RIC8B: variants seen among roughly 807,000 people sequenced by gnomAD.
RIC8B encodes RIC8 guanine nucleotide exchange factor B, also known as chaperone Ric-8B.
A neutral mutation model predicts 57.5 loss-of-function variants in RIC8B; 16 were observed. The ratio of observed to expected loss-of-function variants is 0.28; its 90% confidence interval spans 0.19 to 0.42. The LOEUF (loss-of-function observed/expected upper bound fraction) is 0.42. RIC8B is among the 10% of genes least tolerant of loss of function. The pLI is 1.00. For synonymous variants in RIC8B, 216 were observed against 250.8 expected (o/e 0.86, Z 1.31); for missense variants, 481 against 677.0 (o/e 0.71, Z 3.21).
At chr12:106,786,580 TC>T (rs2044039034) in intron 2 of RIC8B, among the ~76,000 whole-genome samples, 1 of 152,236 alleles carries the variant, frequency 6.6e-6, no homozygotes, top group Non-Finnish European at 1.5e-5. Context: ...TTTTACTCTT[TC>T]ACCAAGAAGT....
intron 2 of RIC8B, among the ~76,000 whole-genome samples, chr12:106,810,855 A>G (rs918753269): frequency 1.3e-5 from 2 of 152,232 alleles, no homozygotes; most frequent in African/African-American, 2.4e-5. Context: ...GCACTGCCCT[A>G]TGTGTTTGTA....
chr12:106,826,773 T>C (rs1415341867), intron 4 of RIC8B, among the ~76,000 whole-genome samples: 1 of 150,546 alleles, frequency 6.6e-6, no homozygotes, highest in Non-Finnish European at 1.5e-5. Context: ...AATTAATTAA[T>C]TTTAAAAGTA....
intron 4 of RIC8B, among the ~76,000 whole-genome samples, chr12:106,840,678 G>T (rs1370866493): frequency 1.3e-5 from 2 of 152,140 alleles, no homozygotes; most frequent in African/African-American, 4.8e-5. Flanking sequence ...AACTTTTCTT[G>T]AAAAGCCTAA....
intron 2 of RIC8B, among the ~76,000 whole-genome samples, chr12:106,810,126 A>G (rs1254975697): frequency 6.6e-6 from 1 of 150,702 alleles, no homozygotes; most frequent in Non-Finnish European, 1.5e-5. Context: ...TCTATTTTAT[A>G]ACATCCCTGT....
At chr12:106,823,590 ATTCCC>A (rs1025942736) in intron 3 of RIC8B, 2 of 352,100 alleles carry the variant, frequency 5.7e-6, no homozygotes, top group African/African-American at 4.3e-5. Flanking sequence ...AGGGAAGTGT[ATTCCC>A]TAGTTAATTT....
At chr12:106,797,379 C>G (rs961900337) in intron 2 of RIC8B, among the ~76,000 whole-genome samples, 18 of 152,218 alleles carry the variant, frequency 1.2e-4, no homozygotes, top group Admixed American at 4.6e-4. Flanking sequence ...TTATGTTACA[C>G]GAAAGATACC....
chr12:106,839,843 T>C (rs1358488640), intron 4 of RIC8B, among the ~76,000 whole-genome samples: 2 of 152,098 alleles, frequency 1.3e-5, no homozygotes, highest in Non-Finnish European at 2.9e-5. Flanking sequence ...TAGTGAGACC[T>C]TGTCTCTACT....
intron 6 of RIC8B, among the ~76,000 whole-genome samples, chr12:106,844,614 G>A (rs544649642): frequency 2.6e-5 from 4 of 152,296 alleles, no homozygotes; most frequent in African/African-American, 9.6e-5. Context: ...GGGAAGTGAT[G>A]TGACCTTATT....
At chr12:106,845,894 T>C (rs192683539) in intron 6 of RIC8B, among the ~76,000 whole-genome samples, 39 of 152,340 alleles carry the variant, frequency 2.6e-4, no homozygotes, top group African/African-American at 8.9e-4. Flanking sequence ...TTTTTTTAAA[T>C]TCTCCAATAG....
chr12:106,844,196 T>A (rs1406203145), intron 6 of RIC8B, among the ~76,000 whole-genome samples: 2 of 152,144 alleles, frequency 1.3e-5, no homozygotes, highest in African/African-American at 4.8e-5. Flanking sequence ...CCTTGGGAAG[T>A]TTATTTTGTA....
At chr12:106,798,162 C>G in intron 2 of RIC8B, 1 of 546,376 alleles carries the variant, frequency 1.8e-6, no homozygotes, top group South Asian at 2.4e-5. Context: ...TTTGATGCCT[C>G]GGATTCATTT....
intron 9 of RIC8B, chr12:106,871,230 G>T: frequency 4.4e-6 from 1 of 227,934 alleles, no homozygotes; most frequent in Non-Finnish European, 8.4e-6. Flanking sequence ...AAGATGCTGT[G>T]AGTTAGATTC....
intron 5 of RIC8B, among the ~76,000 whole-genome samples, chr12:106,843,603 T>A (rs963231135): frequency 1.3e-5 from 2 of 151,368 alleles, no homozygotes; most frequent in African/African-American, 4.9e-5. Context: ...GCACCTGTAG[T>A]CCCAGCTACT....
At chr12:106,777,540 G>A (rs1451379271) in intron 1 of RIC8B, among the ~76,000 whole-genome samples, 2 of 152,148 alleles carry the variant, frequency 1.3e-5, no homozygotes, top group Admixed American at 6.5e-5. Context: ...AGACCGGTTC[G>A]TTATTTGGGA....
At chr12:106,862,029 A>C (rs1020809030) in intron 8 of RIC8B, among the ~76,000 whole-genome samples, 1 of 152,116 alleles carries the variant, frequency 6.6e-6, no homozygotes, top group African/African-American at 2.4e-5. Flanking sequence ...ATTATGTTAC[A>C]TTGTGGAAGT....
intron 4 of RIC8B, among the ~76,000 whole-genome samples, chr12:106,840,572 T>A (rs944247216): frequency 1.1e-4 from 17 of 152,234 alleles, no homozygotes; most frequent in Admixed American, 6.5e-4. Context: ...CTGGCCTTCC[T>A]TACTTAAAAA....
At chr12:106,885,310 A>G (rs776269104) in intron 9 of RIC8B, among the ~76,000 whole-genome samples, 8 of 152,078 alleles carry the variant, frequency 5.3e-5, no homozygotes, top group African/African-American at 1.2e-4. Flanking sequence ...GTTTTTTAGA[A>G]AGGAGGAGGA....
At chr12:106,856,353 A>G (rs1337612072) in intron 7 of RIC8B, among the ~76,000 whole-genome samples, 1 of 152,022 alleles carries the variant, frequency 6.6e-6, no homozygotes, top group African/African-American at 2.4e-5. Context: ...ACCAAATTTT[A>G]CCTCCACAGA....
chr12:106,826,753 T>G (rs1198100863), intron 4 of RIC8B, among the ~76,000 whole-genome samples: 1 of 150,528 alleles, frequency 6.6e-6, no homozygotes, highest in Non-Finnish European at 1.5e-5. Context: ...AGACTCCATC[T>G]CAAAAAATTA....
Sources: gnomAD v4.1 joint callset for allele counts (sites outside exome capture counted in the v4.1 genomes callset) on GRCh38, gnomAD v4.1.1 for gene constraint, MANE v1.5 for transcripts, NCBI Gene and HGNC (gene_info 2026-07-23, HGNC 2026-07-21) for gene names.